Variants in NRK observed in about 807,000 individuals in gnomAD.
NRK encodes the protein nik-related protein kinase.
Under a neutral mutation model 125.2 loss-of-function variants are expected in NRK, and 67 were observed. The observed-to-expected ratio is 0.54, with a 90% CI of 0.44 to 0.66. The LOEUF (loss-of-function observed/expected upper bound fraction) is 0.66, where lower values mean the gene tolerates loss of function less well. Ranked by LOEUF, NRK falls within the 30% of genes least tolerant of loss-of-function variation. NRK has a pLI of 0.00. For synonymous variants in NRK, 458 were observed against 429.0 expected (o/e 1.07, Z -0.84); for missense variants, 1,224 against 1,192.9 (o/e 1.03, Z -0.38).
chrX:105,949,483 C>G (rs2040861948), intron 26 of NRK, 92 bp from the exon 27 acceptor site: 1 of 629,046 alleles, frequency 1.6e-6, no homozygotes, highest in Non-Finnish European at 2.5e-6. Context: ...CTTTGAACCT[C>G]TTTTGGTCTT....
At chrX:105,928,283 T>G (rs2040550432) in intron 19 of NRK, among the ~76,000 whole-genome samples, 1 of 111,538 alleles carries the variant, frequency 9.0e-6, no homozygotes, top group South Asian at 3.7e-4. Context: ...GCTGTGTAGT[T>G]TTTCATAATA....
chrX:105,884,073 A>C (rs1344694397), intron 4 of NRK, among the ~76,000 whole-genome samples: 1 of 112,394 alleles, frequency 8.9e-6, no homozygotes, highest in Non-Finnish European at 1.9e-5. Context: ...GGAGGTTGGG[A>C]TGAGACTCTA....
intron 16 of NRK, 78 bp downstream of exon 16, chrX:105,917,750 G>T: frequency 3.9e-6 from 2 of 509,128 alleles, no homozygotes; most frequent in East Asian, 7.9e-5. Flanking sequence ...AGTCAAGAAA[G>T]AAGAATTTCA....
At chrX:105,902,054 G>T (rs1017193971) in intron 9 of NRK, among the ~76,000 whole-genome samples, 1 of 110,137 alleles carries the variant, frequency 9.1e-6, no homozygotes, top group Non-Finnish European at 1.9e-5. Flanking sequence ...ATGCCTTTCC[G>T]GGAAACCAAC....
chrX:105,822,860 G>C lies in NRK; in HGVS notation c.15G>C (p.Gly5=). 1.7e-6 allele frequency: 2 copies of C among 1,172,486 alleles called. No homozygotes were observed. Among genetic ancestry groups the C allele is most frequent in the Non-Finnish European group, 2.3e-6 (2 of 874,909 alleles). The change falls in exon 1 of 29, where the codon GGG becomes GGC. Residue 5 remains glycine (G), a synonymous_variant. Coordinates refer to ENST00000243300, the MANE Select transcript of NRK (RefSeq NM_198465.4). ...TCCTCGAAGCCATGGCGGGACCTGGGGGCTGGAGGGACAGGGAGGTCACGG... is the reference window on the plus strand; with the variant it reads ...TCCTCGAAGCCATGGCGGGACCTGGCGGCTGGAGGGACAGGGAGGTCACGG... The part of the protein sequence containing the change: MAGP[G]GWRDREVTDL...
intron 2 of NRK, among the ~76,000 whole-genome samples, chrX:105,876,392 A>G (rs769519390): frequency 9.0e-6 from 1 of 111,266 alleles, no homozygotes; most frequent in Non-Finnish European, 1.9e-5. Context: ...ATAAATATAT[A>G]CAATTTTTAT....
intron 6 of NRK, 127 bp from the exon 7 acceptor site, chrX:105,895,306 T>A: frequency 1.8e-6 from 1 of 559,682 alleles, no homozygotes; most frequent in Non-Finnish European, 3.2e-6. Context: ...GTCTGAAACA[T>A]CAAAATTAAG....
At chrX:105,888,167 A>C in intron 4 of NRK, 127 bp from the exon 5 acceptor site, 1 of 487,954 alleles carries the variant, frequency 2.0e-6, no homozygotes, top group Non-Finnish European at 3.2e-6. Flanking sequence ...TTGAGATTTT[A>C]TTATAAATTG....
In NRK at chrX:105,944,009, C is replaced by T; in HGVS notation, c.4027C>T (p.Pro1343Ser). Residue 1343 changes from proline (P) to serine (S), a missense_variant, in exon 24 of 29, where the codon CCA becomes TCA. Pro to Ser is a moderately conservative substitution (Grantham distance 74). Coordinates refer to ENST00000243300, the MANE Select transcript of NRK (RefSeq NM_198465.4). ...KSSIHLYAWA[P>S]KSFDESTAIK... Reference sequence around the variant, plus strand: ...ATCAATTCACCTTTATGCATGGGCACCAAAGTCCTTTGATGAAAGCACTGC... The same window carrying T: ...ATCAATTCACCTTTATGCATGGGCATCAAAGTCCTTTGATGAAAGCACTGC... The T allele has an allele frequency of 8.6e-7, 1 of 1,159,844 alleles. No individual in the cohort carries two copies. The highest frequency in any genetic ancestry group is 3.0e-5 in the East Asian group (1 of 33,440).
At chrX:105,923,511 CCA>C in intron 18 of NRK, 29 bp downstream of exon 18, 1 of 1,041,379 alleles carries the variant, frequency 9.6e-7, no homozygotes, top group Admixed American at 3.8e-5. Flanking sequence ...CTTATACTCT[CCA>C]TGTTTTATGA....
At chrX:105,955,283 A>G (rs2040960948) in intron 28 of NRK, among the ~76,000 whole-genome samples, 1 of 111,882 alleles carries the variant, frequency 8.9e-6, no homozygotes, top group Non-Finnish European at 1.9e-5. Context: ...AACCATATAA[A>G]TTATAATTAT....
At chrX:105,922,870 A>T (rs1158128177) in intron 17 of NRK, among the ~76,000 whole-genome samples, 2 of 111,273 alleles carry the variant, frequency 1.8e-5, no homozygotes, top group Non-Finnish European at 3.8e-5. Context: ...TCCTGAGCTG[A>T]CAAGTATGGG....
At position 105,869,888 on chromosome X, in the gene NRK, C is replaced by T. The variant is rs2039720808; in HGVS notation, c.124-10311C>T. Among the ~76,000 whole-genome samples the T allele has an allele frequency of 2.7e-5, 3 of 112,197 alleles. No individual in the cohort carries two copies. In the Admixed American group the frequency reaches 2.8e-4, roughly 11 times the overall value. ...CATTTTGCATGAGTGTTAACTGATTCATGCATTACATAAAGAAAGCAATCT... is the reference window on the plus strand; with the variant it reads ...CATTTTGCATGAGTGTTAACTGATTTATGCATTACATAAAGAAAGCAATCT... On this transcript the variant is annotated intron_variant, in intron 2 of 28. Coordinates refer to ENST00000243300, the MANE Select transcript of NRK (RefSeq NM_198465.4).
rs1221644237 is a variant in NRK, at chrX:105,895,283, A to T, written c.490-150A>T. 1.5e-5 allele frequency: 8 copies of T among 545,448 alleles called. No homozygotes were observed. The Admixed American group carries it at 1.7e-4, about 12-fold the overall frequency. 45.0% of individuals were successfully genotyped at this position (545,448 alleles called of 1,213,427 possible). The stretch of plus-strand genomic sequence containing the variant: ...AACGGGTTGTAGTGATTCCAGCCTA[A>T]AGAAAGAATTGTGTCTGAAACATCA... On this transcript the variant is annotated intron_variant, in intron 6 of 28. Coordinates refer to ENST00000243300, the MANE Select transcript of NRK (RefSeq NM_198465.4).
At chrX:105,941,815 TAGG>T (rs2040746612) in intron 23 of NRK, among the ~76,000 whole-genome samples, 2 of 111,341 alleles carry the variant, frequency 1.8e-5, no homozygotes, top group African/African-American at 6.5e-5. Flanking sequence ...CAATGGGTTT[TAGG>T]AGGTCTATAG....
At chrX:105,917,297 A>G (rs2040378314) in intron 15 of NRK, among the ~76,000 whole-genome samples, 1 of 111,035 alleles carries the variant, frequency 9.0e-6, no homozygotes, top group South Asian at 3.7e-4. Flanking sequence ...GTTAGCTTTA[A>G]AAGCTTATAG....
chrX:105,937,552 G>C lies in NRK; in HGVS notation c.3769G>C (p.Glu1257Gln). 1 of 1,200,539 alleles carries C rather than the reference G, an allele frequency of 8.3e-7. No homozygotes were observed. The highest frequency in any genetic ancestry group is 1.1e-6 in the Non-Finnish European group (1 of 889,478). The change falls in exon 22 of 29, where the codon GAG becomes CAG. Residue 1257 changes from glutamate to glutamine, a missense_variant. Glu to Gln is a conservative substitution (Grantham distance 29). Transcript: ENST00000243300. ...RRPFRQIQVL[E>Q]PLNLLITISG... Reference sequence around the variant, plus strand: ...ACCATTCCGCCAGATTCAAGTCTTAGAGCCACTCAATTTGCTGATTACCAT... The same window carrying C: ...ACCATTCCGCCAGATTCAAGTCTTACAGCCACTCAATTTGCTGATTACCAT...
chrX:105,950,259 C>G (rs1422581572), intron 27 of NRK, among the ~76,000 whole-genome samples: 1 of 110,977 alleles, frequency 9.0e-6, no homozygotes, highest in Non-Finnish European at 1.9e-5. Context: ...GTACCAACCA[C>G]GTGGCAACAA....
At chrX:105,955,388 C>A in intron 28 of NRK, 117 bp from the exon 29 acceptor site, 1 of 400,382 alleles carries the variant, frequency 2.5e-6, no homozygotes, top group Admixed American at 4.5e-5. Context: ...AACTATTCCA[C>A]AAAACAGTAA....
Sources: gnomAD v4.1 joint callset for allele counts (sites outside exome capture counted in the v4.1 genomes callset) on GRCh38, gnomAD v4.1.1 for gene constraint, MANE v1.5 for transcripts, NCBI Gene and HGNC (gene_info 2026-07-23, HGNC 2026-07-21) for gene names.